Variants in MAGI3 observed in about 807,000 individuals in gnomAD.
MAGI3 encodes the protein membrane-associated guanylate kinase, WW and PDZ domain-containing protein 3.
MAGI3 carries 43 observed loss-of-function variants against 121.8 expected under a neutral mutation model. That is an observed-to-expected ratio of 0.35 (90% CI 0.28 to 0.46). The LOEUF (loss-of-function observed/expected upper bound fraction) is 0.46, where lower values mean the gene tolerates loss of function less well. MAGI3 is among the 20% of genes least tolerant of loss of function. MAGI3 has a pLI of 1.00. For synonymous variants in MAGI3, 553 were observed against 639.3 expected (o/e 0.86, Z 2.04); for missense variants, 1,547 against 1,797.3 (o/e 0.86, Z 2.52).
chr1:113,428,469 T>C (rs540559052), intron 1 of MAGI3, among the ~76,000 whole-genome samples: 1 of 152,326 alleles, frequency 6.6e-6, no homozygotes, highest in East Asian at 1.9e-4. Context: ...CTGGACTCAC[T>C]ATACCAGTGG....
chr1:113,503,525 C>G (rs1657153231), intron 1 of MAGI3, among the ~76,000 whole-genome samples: 1 of 151,882 alleles, frequency 6.6e-6, no homozygotes, highest in Admixed American at 6.6e-5. Flanking sequence ...ATTTTTCTCT[C>G]TGTATATATT....
intron 19 of MAGI3, 128 bp from the exon 20 acceptor site, chr1:113,681,070 G>C: frequency 1.0e-6 from 1 of 1,003,130 alleles, no homozygotes; most frequent in African/African-American, 1.6e-5. Context: ...GGCAGTACTG[G>C]GTACACGTTA....
chr1:113,523,421 C>T (rs1228680242), intron 1 of MAGI3, among the ~76,000 whole-genome samples: 2 of 152,142 alleles, frequency 1.3e-5, no homozygotes, highest in Non-Finnish European at 2.9e-5. Flanking sequence ...TCCCTAGAGA[C>T]TTGTTGAATG....
At chr1:113,646,043 A>T (rs898879740) in intron 11 of MAGI3, among the ~76,000 whole-genome samples, 3 of 152,188 alleles carry the variant, frequency 2.0e-5, no homozygotes, top group Non-Finnish European at 2.9e-5. Context: ...TAGAAAGAGT[A>T]TTATCTTAAA....
intron 1 of MAGI3, among the ~76,000 whole-genome samples, chr1:113,456,412 C>T (rs1432450499): frequency 6.6e-6 from 1 of 152,060 alleles, no homozygotes; most frequent in Non-Finnish European, 1.5e-5. Context: ...TTGTAACATA[C>T]CCATATACAT....
chr1:113,680,361 G>A (rs766154570), intron 19 of MAGI3, among the ~76,000 whole-genome samples: 3 of 152,182 alleles, frequency 2.0e-5, no homozygotes, highest in African/African-American at 4.8e-5. Context: ...GCTCTCCTGC[G>A]AGAGTTGATA....
chr1:113,604,211 T>C (rs751369741), intron 6 of MAGI3, among the ~76,000 whole-genome samples: 1 of 152,106 alleles, frequency 6.6e-6, no homozygotes, highest in Non-Finnish European at 1.5e-5. Context: ...AATTCATAAT[T>C]GCAAACATGT....
intron 2 of MAGI3, among the ~76,000 whole-genome samples, chr1:113,562,360 G>A (rs1335915342): frequency 6.6e-6 from 1 of 152,082 alleles, no homozygotes; most frequent in Non-Finnish European, 1.5e-5. Context: ...CTGAGATCGT[G>A]CCACTGCACT....
At chr1:113,415,236 A>C (rs1281129170) in intron 1 of MAGI3, among the ~76,000 whole-genome samples, 2 of 152,168 alleles carry the variant, frequency 1.3e-5, no homozygotes, top group African/African-American at 2.4e-5. Flanking sequence ...TTTCTGCCAA[A>C]AGTTCATTCA....
chr1:113,586,339 GC>G, intron 4 of MAGI3, among the ~76,000 whole-genome samples: 1 of 152,118 alleles, frequency 6.6e-6, no homozygotes, highest in East Asian at 1.9e-4. Context: ...TCAAAAACAT[GC>G]CTGGCATGTA....
In MAGI3 at chr1:113,651,273, T is replaced by C. The variant is rs1378891932; in HGVS notation, c.2440+67T>C. ...CAAAGATACTAGTCTACTTCCTGTG[T>C]AGTTTTGCAGGTTATTTTATTACAT... On this transcript the variant is annotated intron_variant, in intron 14 of 20. Transcript: ENST00000307546. The C allele has an allele frequency of 2.1e-6, 3 of 1,437,340 alleles. No homozygotes were observed. In the Admixed American group the frequency reaches 7.5e-5, roughly 36 times the overall value. 89.0% of individuals were successfully genotyped at this position (1,437,340 alleles called of 1,614,324 possible). A position where few individuals can be genotyped will look rare whatever the true frequency, so the allele number is the denominator to read the frequency against.
chr1:113,420,204 T>C (rs375874746), intron 1 of MAGI3, among the ~76,000 whole-genome samples: 1 of 152,168 alleles, frequency 6.6e-6, no homozygotes, highest in Non-Finnish European at 1.5e-5. Flanking sequence ...TTGTTGTAGA[T>C]AGGATCTATA....
intron 14 of MAGI3, among the ~76,000 whole-genome samples, chr1:113,652,431 A>G (rs1653223933): frequency 6.6e-6 from 1 of 152,220 alleles, no homozygotes; most frequent in Non-Finnish European, 1.5e-5. Flanking sequence ...GCAACATTCA[A>G]AGTAAAGGCC....
chr1:113,553,963 C>T (rs1392229683), intron 2 of MAGI3, among the ~76,000 whole-genome samples: 4 of 152,162 alleles, frequency 2.6e-5, no homozygotes, highest in Admixed American at 6.5e-5. Context: ...GAGCCGAGAT[C>T]GTGCCACTGC....
intron 1 of MAGI3, among the ~76,000 whole-genome samples, chr1:113,406,914 A>C (rs1366375402): frequency 2.0e-5 from 3 of 152,174 alleles, no homozygotes; most frequent in African/African-American, 7.2e-5. Context: ...GAGTTGAATG[A>C]CTGGGAGGCA....
Position 113,653,819 on chromosome 1 carries a change from G to C in MAGI3, c.2441-11G>C, listed in dbSNP as rs377275856. ...TTCCAGACATATCAAAACTGATCAT[G>C]TTTATTACAGAAAAACAACCCGAGG... On this transcript the variant is annotated splice_polypyrimidine_tract_variant and intron_variant, in intron 14 of 20. Transcript: ENST00000307546. The C allele has an allele frequency of 1.4e-4, 225 of 1,586,670 alleles. No homozygotes were observed. In the Admixed American group the frequency reaches 1.6e-3, roughly 11 times the overall value.
At position 113,683,954 on chromosome 1, in the gene MAGI3, G is replaced by T. The variant is rs1222248916; in HGVS notation, c.4386G>T (p.Trp1462Cys). 6.2e-7 allele frequency: 1 copy of T among 1,606,144 alleles called. No homozygotes were observed. Among genetic ancestry groups the T allele is most frequent in the African/African-American group, 1.3e-5 (1 of 74,486 alleles). Residue 1462 changes from tryptophan (W) to cysteine (C), a missense_variant, in exon 21 of 21, where the codon TGG (tryptophan) becomes TGT (cysteine). Physicochemically the swap from Trp to Cys is radical, Grantham distance 215. Transcript: ENST00000307546. ...AAACACTGATAACTCCAGGGCCCTG[G>T]AAGGTTCCAAGTGGAAATAAAGTCA... is the stretch of plus-strand genomic sequence containing the variant. Reference protein sequence around the residue: ...VKKTLITPGPWKVPSGNKVTG... With the variant: ...VKKTLITPGPCKVPSGNKVTG...
chr1:113,649,662 C>T (rs1377246622), intron 13 of MAGI3, among the ~76,000 whole-genome samples: 1 of 152,192 alleles, frequency 6.6e-6, no homozygotes, highest in Admixed American at 6.5e-5. Context: ...CTCTAAGAAG[C>T]CTATAATCCC....
intron 1 of MAGI3, among the ~76,000 whole-genome samples, chr1:113,525,549 T>G (rs1046715495): frequency 6.6e-6 from 1 of 151,800 alleles, no homozygotes; most frequent in African/African-American, 2.4e-5. Flanking sequence ...TAGCCTTCAT[T>G]TAATAGTTAA....
Sources: allele counts gnomAD v4.1 joint callset (sites outside exome capture counted in the v4.1 genomes callset), GRCh38; gene constraint gnomAD v4.1.1; transcripts MANE v1.5; gene names NCBI Gene and HGNC (gene_info 2026-07-23, HGNC 2026-07-21).